Variants in GASK1B observed in about 807,000 individuals in gnomAD.
The protein encoded by GASK1B is golgi associated kinase 1B.
GASK1B carries 34 observed loss-of-function variants against 42.8 expected under a neutral mutation model. That is an observed-to-expected ratio of 0.79 (90% CI 0.60 to 1.06). The LOEUF is 1.06. Among genes scored for constraint, GASK1B ranks in the 50% least tolerant of loss-of-function variants. The probability of loss-of-function intolerance (pLI) is 0.00; values close to 1 mark genes in which losing one functional copy is unlikely to be tolerated. For synonymous variants in GASK1B, 262 were observed against 259.1 expected (o/e 1.01, Z -0.11); for missense variants, 686 against 661.0 (o/e 1.04, Z -0.42).
chr4:158,153,962 C>A (rs1240449084), intron 3 of GASK1B, among the ~76,000 whole-genome samples: 1 of 151,718 alleles, frequency 6.6e-6, no homozygotes, highest in African/African-American at 2.4e-5. Context: ...GCTTCATGAC[C>A]AAGAACCCAA....
chr4:158,163,151 G>A (rs190790520), intron 2 of GASK1B, among the ~76,000 whole-genome samples: 2 of 152,288 alleles, frequency 1.3e-5, no homozygotes, highest in African/African-American at 4.8e-5. Context: ...TTCTTTAAAT[G>A]AAAATTTTAG....
rs995107478 is a variant in GASK1B, at chr4:158,126,059, A to T, written c.*1348T>A. On this transcript the variant is annotated 3_prime_UTR_variant, in exon 5 of 5. Coordinates refer to ENST00000585682, the MANE Select transcript of GASK1B (RefSeq NM_001128424.2). Reference sequence around the variant, plus strand: ...AGAGAATGTATTATAAACATTCTCAAATTGTATTTTTAAACTTTCAGGAAA... The same window carrying T: ...AGAGAATGTATTATAAACATTCTCATATTGTATTTTTAAACTTTCAGGAAA... The T allele has an allele frequency of 1.5e-4, 23 of 152,170 alleles. No homozygotes were observed. Among genetic ancestry groups the T allele is most frequent in the African/African-American group, 5.1e-4 (21 of 41,464 alleles). 9.4% of individuals were successfully genotyped at this position (152,170 alleles called of 1,614,324 possible).
chr4:158,154,398 T>G (rs1731678804), intron 3 of GASK1B, among the ~76,000 whole-genome samples: 1 of 152,310 alleles, frequency 6.6e-6, no homozygotes, highest in Non-Finnish European at 1.5e-5. Context: ...GGAACACTTT[T>G]GCACTGCTGG....
chr4:158,153,306 G>T (rs1448203380), intron 3 of GASK1B, among the ~76,000 whole-genome samples: 1 of 152,088 alleles, frequency 6.6e-6, no homozygotes, highest in East Asian at 1.9e-4. Context: ...GTAGGTAAAA[G>T]ATCTTTACAA....
intron 2 of GASK1B, among the ~76,000 whole-genome samples, chr4:158,168,019 T>A (rs190243912): frequency 6.6e-6 from 1 of 152,216 alleles, no homozygotes; most frequent in Non-Finnish European, 1.5e-5. Flanking sequence ...TGTAACAGTC[T>A]GCTTGAGTAG....
At chr4:158,166,878 T>C (rs1396338549) in intron 2 of GASK1B, among the ~76,000 whole-genome samples, 1 of 152,118 alleles carries the variant, frequency 6.6e-6, no homozygotes, top group Admixed American at 6.5e-5. Context: ...AAAGGATTTG[T>C]TGAGGGACGC....
intron 2 of GASK1B, chr4:158,169,181 A>G (rs746159943): frequency 3.3e-5 from 5 of 152,222 alleles, no homozygotes; most frequent in Admixed American, 6.5e-5. Context: ...ATATGAATCA[A>G]TTTGTATAAT....
At chr4:158,155,915 C>T (rs537734962) in intron 2 of GASK1B, 90 bp from the exon 3 acceptor site, 120 of 989,632 alleles carry the variant, frequency 1.2e-4, no homozygotes, top group Admixed American at 3.9e-4. Context: ...CACAGTCTCA[C>T]GCTCACCTAT....
intron 2 of GASK1B, among the ~76,000 whole-genome samples, chr4:158,166,056 C>G (rs1477916214): frequency 2.0e-5 from 3 of 152,070 alleles, no homozygotes. Context: ...CAGAAACATA[C>G]AGGACGAAAA....
intron 3 of GASK1B, among the ~76,000 whole-genome samples, chr4:158,140,620 C>T (rs1731077495): frequency 1.3e-5 from 2 of 152,180 alleles, no homozygotes; most frequent in Non-Finnish European, 2.9e-5. Context: ...TGACCTCTTG[C>T]TTTGCTCGAG....
At chr4:158,131,102 T>G in intron 3 of GASK1B, 90 bp from the exon 4 acceptor site, 1 of 1,083,716 alleles carries the variant, frequency 9.2e-7, no homozygotes, top group Non-Finnish European at 1.3e-6. Flanking sequence ...GCTTTCTGAA[T>G]AGCTGACTTG....
At chr4:158,171,646 A>G (rs1426849809) in intron 1 of GASK1B, 47 bp from the exon 2 acceptor site, 12 of 346,326 alleles carry the variant, frequency 3.5e-5, no homozygotes, top group Non-Finnish European at 6.2e-5. Context: ...ATTTCAAACC[A>G]TTTAAGTTCC....
chr4:158,139,027 A>G (rs1731015004), intron 3 of GASK1B, among the ~76,000 whole-genome samples: 1 of 152,202 alleles, frequency 6.6e-6, no homozygotes, highest in Non-Finnish European at 1.5e-5. Flanking sequence ...ACTTCACATT[A>G]AAAGTTCCTA....
At chr4:158,161,396 T>C (rs912249976) in intron 2 of GASK1B, among the ~76,000 whole-genome samples, 1 of 152,218 alleles carries the variant, frequency 6.6e-6, no homozygotes, top group African/African-American at 2.4e-5. Context: ...TAGTTTGTTT[T>C]CTCTAGGCCT....
Position 158,170,905 on chromosome 4 carries a change from C to CTG in GASK1B, c.470_471insCA (p.Arg157SerfsTer7), listed in dbSNP as rs755396003. On this transcript the variant is annotated frameshift_variant, in exon 2 of 5. Coordinates refer to ENST00000585682, the MANE Select transcript of GASK1B (RefSeq NM_001128424.2). LOFTEE classifies it high-confidence loss of function. ...ACCCAGGTGCTACAGCATCAGCTTCCCTTGCCGCTTCCTGCGGCTGAAGGG... is the reference window on the plus strand; with the variant it reads ...ACCCAGGTGCTACAGCATCAGCTTCCTGCTTGCCGCTTCCTGCGGCTGAAGGG... 6.2e-7 allele frequency: 1 copy of CTG among 1,614,242 alleles called. No individual in the cohort carries two copies. Among genetic ancestry groups the CTG allele is most frequent in the Non-Finnish European group, 8.5e-7 (1 of 1,180,046 alleles).
In GASK1B at chr4:158,171,190, A is replaced by G. The variant is rs1173769477; in HGVS notation, c.186T>C (p.His62=). Residue 62 remains histidine (H), a synonymous_variant, in exon 2 of 5, where the codon CAT becomes CAC. Coordinates refer to ENST00000585682, the MANE Select transcript of GASK1B (RefSeq NM_001128424.2). Reference sequence around the variant, plus strand: ...GTGGCCCCTTCTCAGCCGCCTGTCCATGCTGGAGAGAGGCCCTCCCCACCT... The same window carrying G: ...GTGGCCCCTTCTCAGCCGCCTGTCCGTGCTGGAGAGAGGCCCTCCCCACCT... ...VSQVGRASLQ[H]GQAAEKGPHR... 1.2e-5 allele frequency: 19 copies of G among 1,613,534 alleles called. No homozygotes were observed. Among genetic ancestry groups the G allele is most frequent in the South Asian group, 2.2e-5 (2 of 90,990 alleles).
rs1730498950 is a variant in GASK1B, at chr4:158,127,431, G to C, written c.1536C>G (p.Val512=). The change falls in exon 5 of 5, where the codon GTC becomes GTG. Residue 512 remains valine, a synonymous_variant. Transcript: ENST00000585682. Reference sequence around the variant, plus strand: ...GTCATTCATTCATAGGTAATACTTTGACCCCGTGTGCATTGATATAGGTGA... The same window carrying C: ...GTCATTCATTCATAGGTAATACTTTCACCCCGTGTGCATTGATATAGGTGA... ...ILITYINAHG[V]KVLPMNE The C allele has an allele frequency of 6.2e-7, 1 of 1,613,256 alleles. No homozygotes were observed. The highest frequency in any genetic ancestry group is 1.7e-5 in the Admixed American group (1 of 59,990).
At chr4:158,153,901 T>C (rs555790682) in intron 3 of GASK1B, among the ~76,000 whole-genome samples, 1 of 152,172 alleles carries the variant, frequency 6.6e-6, no homozygotes, top group East Asian at 1.9e-4. Flanking sequence ...ACCATAAAAA[T>C]TCCAGAAGAT....
intron 3 of GASK1B, among the ~76,000 whole-genome samples, chr4:158,137,928 T>C (rs1220923631): frequency 6.6e-6 from 1 of 152,208 alleles, no homozygotes; most frequent in Non-Finnish European, 1.5e-5. Context: ...ATAGGCTTCC[T>C]TGTGCCTCTG....
Sources: gnomAD v4.1 joint callset for allele counts (sites outside exome capture counted in the v4.1 genomes callset) on GRCh38, gnomAD v4.1.1 for gene constraint, MANE v1.5 for transcripts, NCBI Gene and HGNC (gene_info 2026-07-23, HGNC 2026-07-21) for gene names.